Variants in IGDCC4 observed in about 807,000 individuals in gnomAD.
IGDCC4 encodes the protein likely ortholog of mouse neighbor of Punc E11.
Under a neutral mutation model 116.6 loss-of-function variants are expected in IGDCC4, and 72 were observed. The observed-to-expected ratio is 0.62, with a 90% CI of 0.51 to 0.75. The LOEUF (loss-of-function observed/expected upper bound fraction) is 0.75. Among genes scored for constraint, IGDCC4 ranks in the 30% least tolerant of loss-of-function variants. The probability of loss-of-function intolerance (pLI) is 0.00; values close to 1 mark genes in which losing one functional copy is unlikely to be tolerated. For synonymous variants in IGDCC4, 709 were observed against 719.9 expected (o/e 0.98, Z 0.24); for missense variants, 1,501 against 1,662.4 (o/e 0.90, Z 1.69).
chr15:65,396,042 C>T lies in IGDCC4; in HGVS notation c.1119G>A (p.Ala373=), dbSNP rs772333678. The T allele has an allele frequency of 1.2e-5, 17 of 1,454,052 alleles. No individual in the cohort carries two copies. The highest frequency in any genetic ancestry group is 1.5e-5 in the African/African-American group (1 of 68,574). The allele number at this position is 1,454,052 out of a possible 1,614,324, so 90.1% of individuals were successfully genotyped here. A position where few individuals can be genotyped will look rare whatever the true frequency, so the allele number is the denominator to read the frequency against. Reference sequence around the variant, plus strand: ...TGACGCGCCCGTTGGGCCGCAGCGGCGCCCCGTTGTGCAGCCAGCGCAGCG... The same window carrying T: ...TGACGCGCCCGTTGGGCCGCAGCGGTGCCCCGTTGTGCAGCCAGCGCAGCG... ...RPALRWLHNG[A]PLRPNGRVKV... The change falls in exon 7 of 20, where the codon GCG becomes GCA. Residue 373 remains alanine, a synonymous_variant. Coordinates refer to ENST00000352385, the MANE Select transcript of IGDCC4 (RefSeq NM_020962.3).
intron 8 of IGDCC4, 143 bp from the exon 9 acceptor site, chr15:65,394,691 A>G: frequency 1.2e-6 from 1 of 827,522 alleles, no homozygotes; most frequent in Admixed American, 3.1e-5. Context: ...GGAGCTTCTC[A>G]GGGGAGCCCC....
At position 65,392,373 on chromosome 15, in the gene IGDCC4, G is replaced by T. The variant is rs1289079034; in HGVS notation, c.1886-3C>A. 2.7e-6 allele frequency: 4 copies of T among 1,505,010 alleles called. No homozygotes were observed. The highest frequency in any genetic ancestry group is 1.4e-5 in the South Asian group (1 of 73,540). The allele number at this position is 1,505,010 out of a possible 1,614,324, so 93.2% of individuals were successfully genotyped here. ...CAACTCTGCAGGGGCAAAAGGGACT[G>T]GGGGGCAGAGGAGCAGGATGGGAAA... On this transcript the variant is annotated splice_polypyrimidine_tract_variant and splice_region_variant and intron_variant, in intron 10 of 19. Coordinates refer to ENST00000352385, the MANE Select transcript of IGDCC4 (RefSeq NM_020962.3).
intron 3 of IGDCC4, among the ~76,000 whole-genome samples, chr15:65,404,326 G>A (rs1442128244): frequency 6.6e-6 from 1 of 152,194 alleles, no homozygotes; most frequent in Non-Finnish European, 1.5e-5. Context: ...CTGGGGCAGA[G>A]CGAGAGAAAG....
intron 3 of IGDCC4, 30 bp downstream of exon 3, chr15:65,410,148 C>A: frequency 1.2e-6 from 2 of 1,610,498 alleles, no homozygotes; most frequent in Non-Finnish European, 1.7e-6. Context: ...GCCCTGCCTA[C>A]CAGGACCCGC....
intron 11 of IGDCC4, 43 bp downstream of exon 11, chr15:65,392,091 T>C: frequency 6.7e-7 from 1 of 1,499,218 alleles, no homozygotes; most frequent in South Asian, 1.2e-5. Flanking sequence ...CAGTCCCCAC[T>C]GAAGCTACAT....
At chr15:65,403,941 A>G (rs2063016371) in intron 3 of IGDCC4, among the ~76,000 whole-genome samples, 2 of 152,120 alleles carry the variant, frequency 1.3e-5, no homozygotes, top group South Asian at 2.1e-4. Context: ...GAATCCTCCA[A>G]CTGGGATCCC....
At chr15:65,410,993 A>G in intron 2 of IGDCC4, 27 bp downstream of exon 2, 2 of 1,565,732 alleles carry the variant, frequency 1.3e-6, no homozygotes, top group Non-Finnish European at 1.7e-6. Context: ...TTTCAGCCTC[A>G]GACCCCCGCC....
At position 65,400,910 on chromosome 15, in the gene IGDCC4, A is replaced by G; in HGVS notation, c.737T>C (p.Ile246Thr). ...TGTGGTGTTCTCTGGGGCTGCCACA[A>G]TGACCACGTCCTGCCCCCTGGTGGA... ...LASTRGQDVV[I>T]VAAPENTTVV... Residue 246 changes from isoleucine (I) to threonine (T), a missense_variant, in exon 5 of 20, where the codon ATT becomes ACT. Coordinates refer to ENST00000352385, the MANE Select transcript of IGDCC4 (RefSeq NM_020962.3). 6.2e-7 allele frequency: 1 copy of G among 1,614,134 alleles called. No individual in the cohort carries two copies. Among genetic ancestry groups the G allele is most frequent in the Non-Finnish European group, 8.5e-7 (1 of 1,180,014 alleles).
chr15:65,420,129 T>C (rs1284691654), intron 1 of IGDCC4, among the ~76,000 whole-genome samples: 1 of 152,106 alleles, frequency 6.6e-6, no homozygotes, highest in African/African-American at 2.4e-5. Flanking sequence ...GTATTTTTAG[T>C]AGAGATGGGG....
At chr15:65,396,250 C>A in intron 6 of IGDCC4, 87 bp from the exon 7 acceptor site, 1 of 1,328,486 alleles carries the variant, frequency 7.5e-7, no homozygotes. Context: ...TGCCCCCCAC[C>A]GCCCTCCCTC....
chr15:65,402,295 C>T (rs1008432627), intron 4 of IGDCC4, 56 bp downstream of exon 4: 2 of 1,542,392 alleles, frequency 1.3e-6, no homozygotes, highest in Non-Finnish European at 1.8e-6. Flanking sequence ...CCTCCCAGCT[C>T]TGAGGTGGCT....
In IGDCC4 at chr15:65,384,813, G is replaced by C; in HGVS notation, c.3342+141C>G. 1 of 1,158,384 alleles carries C rather than the reference G, an allele frequency of 8.6e-7. No individual in the cohort carries two copies. The highest frequency in any genetic ancestry group is 1.2e-6 in the Non-Finnish European group (1 of 837,930). The allele number at this position is 1,158,384 out of a possible 1,614,324, so 71.8% of individuals were successfully genotyped here. A position where few individuals can be genotyped will look rare whatever the true frequency, so the allele number is the denominator to read the frequency against. ...CCTGCCCTCCACCTACTCAACCTTTGGAGGCTCCAGGGGTCTCCTGGCTAG... is the reference window on the plus strand; with the variant it reads ...CCTGCCCTCCACCTACTCAACCTTTCGAGGCTCCAGGGGTCTCCTGGCTAG... On this transcript the variant is annotated intron_variant, in intron 19 of 19. Coordinates refer to ENST00000352385, the MANE Select transcript of IGDCC4 (RefSeq NM_020962.3). This position sits in a 1 kb window ranked among gnomAD's most constrained non-coding sequence, Gnocchi z 4.9.
Position 65,395,841 on chromosome 15 carries a change from C to T in IGDCC4, c.1320G>A (p.Leu440=). 2 of 1,569,522 alleles carry T rather than the reference C, an allele frequency of 1.3e-6. No individual in the cohort carries two copies. Among genetic ancestry groups the T allele is most frequent in the Non-Finnish European group, 1.7e-6 (2 of 1,163,558 alleles). The part of the protein sequence containing the change: ...SAPTRVTATP[L]SSSAVLVAWE... ...AGGCCACCAACACAGCGGAGCTGCT[C>T]AGTGGCGTAGCAGTGACCCGCGTGG... Residue 440 remains leucine, a synonymous_variant, in exon 7 of 20, where the codon CTG becomes CTA. Coordinates refer to ENST00000352385, the MANE Select transcript of IGDCC4 (RefSeq NM_020962.3).
At chr15:65,408,922 T>TA (rs1472785843) in intron 3 of IGDCC4, among the ~76,000 whole-genome samples, 2 of 151,518 alleles carry the variant, frequency 1.3e-5, no homozygotes, top group Non-Finnish European at 2.9e-5. Flanking sequence ...CAGCTCACTG[T>TA]AGCCTGAACC....
rs1226711948 is a variant in IGDCC4, at chr15:65,396,815, G to A, written c.997+19C>T. 1.9e-6 allele frequency: 3 copies of A among 1,554,720 alleles called. No homozygotes were observed. The highest frequency in any genetic ancestry group is 2.7e-5 in the African/African-American group (2 of 73,292). On this transcript the variant is annotated intron_variant, in intron 6 of 19. Coordinates refer to ENST00000352385, the MANE Select transcript of IGDCC4 (RefSeq NM_020962.3). ...CAGCCCCAGCTAACCCGCTCCCTCCGCCCTTCGGCCCGCCTCACCCAGCAC... is the reference window on the plus strand; with the variant it reads ...CAGCCCCAGCTAACCCGCTCCCTCCACCCTTCGGCCCGCCTCACCCAGCAC...
At position 65,388,922 on chromosome 15, in the gene IGDCC4, G is replaced by A. The variant is rs779134142; in HGVS notation, c.2593C>T (p.Arg865Trp). The change falls in exon 15 of 20, where the codon CGG becomes TGG. Residue 865 changes from arginine to tryptophan, a missense_variant. Transcript: ENST00000352385. ...TCTGTGGGGGGGCACCAGTGCAGCC[G>A]AACCGTGGACGGTGTCAGGGGGCTC... Reference protein sequence around the residue: ...RLSPLTPSTVRLHWCPPTEPN... With the variant: ...RLSPLTPSTVWLHWCPPTEPN... The A allele has an allele frequency of 8.7e-6, 14 of 1,613,404 alleles. No individual in the cohort carries two copies. The highest frequency in any genetic ancestry group is 1.2e-5 in the Non-Finnish European group (14 of 1,179,778).
rs1348690085 is a variant in IGDCC4 at position 65,390,168 on chromosome 15, T to G, written c.2395A>C (p.Thr799Pro). ...PWGLRNASLV[T>P]YYTSSGEDIL... is the part of the protein sequence containing the mutation. ...ATTAGTCCCCACCTGGTGTAATAGG[T>G]GACCAGGGAGGCATTCCTGAGCCCC... is the stretch of plus-strand genomic sequence containing the variant. Residue 799 changes from threonine (T) to proline (P), a missense_variant, in exon 13 of 20, where the codon ACC becomes CCC. By Grantham distance (38) the Thr-to-Pro change is conservative. Coordinates refer to ENST00000352385, the MANE Select transcript of IGDCC4 (RefSeq NM_020962.3). 8 of 1,588,200 alleles carry G rather than the reference T, an allele frequency of 5.0e-6. No individual in the cohort carries two copies. Among genetic ancestry groups the G allele is most frequent in the Non-Finnish European group, 6.0e-6 (7 of 1,159,788 alleles).
rs772705182 is a variant in IGDCC4 at position 65,386,559 on chromosome 15, G to A, written c.2943C>T (p.Ser981=). ...CTGGCTCCCCTGCTCACCTGTGGGG[G>A]CTGCGGCGCAGGCCAGCACACATGC... is the stretch of plus-strand genomic sequence containing the variant. The part of the protein sequence containing the change: ...LACMCAGLRR[S]PHRESLPGLS... The change falls in exon 17 of 20, where the codon AGC becomes AGT. Residue 981 remains serine (S), a synonymous_variant. Transcript: ENST00000352385. 58 of 1,601,104 alleles carry A rather than the reference G, an allele frequency of 3.6e-5. No homozygotes were observed. Among genetic ancestry groups the A allele is most frequent in the Non-Finnish European group, 4.8e-5 (56 of 1,176,338 alleles).
chr15:65,397,070 T>A, intron 5 of IGDCC4, 81 bp from the exon 6 acceptor site: 1 of 1,488,566 alleles, frequency 6.7e-7, no homozygotes, highest in South Asian at 1.3e-5. Flanking sequence ...AGGAACACTC[T>A]GCACCCGGAT....
Sources: allele counts gnomAD v4.1 joint callset (sites outside exome capture counted in the v4.1 genomes callset), GRCh38; gene constraint gnomAD v4.1.1; non-coding constraint Gnocchi (gnomAD v3.1); transcripts MANE v1.5; gene names NCBI Gene and HGNC (gene_info 2026-07-23, HGNC 2026-07-21).